SLC60A2: variants seen among roughly 807,000 people sequenced by gnomAD.
SLC60A2 encodes the protein solute carrier family 60 member 2, also known as major facilitator superfamily domain containing 4B.
At chr6:111,261,123 T>C in the SLC60A2 span, among the ~76,000 whole-genome samples, 8 of 152,232 alleles carry the variant, frequency 5.3e-5, no homozygotes, top group African/African-American at 1.9e-4. Context: ...AGTCATTCTG[T>C]ACTTGGGCGT....
chr6:111,271,167 C>CAAAAAAAA, the SLC60A2 span: 2 of 73,582 alleles, frequency 2.7e-5, no homozygotes, highest in Non-Finnish European at 4.8e-5. Context: ...GACTCCATCT[C>CAAAAAAAA]AAAAAAAAAA....
chr6:111,259,370 G>C, the SLC60A2 span: 39 of 347,828 alleles, frequency 1.1e-4, no homozygotes, highest in African/African-American at 7.1e-4. Context: ...ACGAACACCT[G>C]CGGCGTGCCG....
At chr6:111,260,029 G>A in the SLC60A2 span, among the ~76,000 whole-genome samples, 1 of 150,822 alleles carries the variant, frequency 6.6e-6, no homozygotes, top group Non-Finnish European at 1.5e-5. Context: ...TCCTGCGTCA[G>A]CCTCCCGAGT....
At chr6:111,276,690 C>A in the SLC60A2 span, among the ~76,000 whole-genome samples, 3 of 152,164 alleles carry the variant, frequency 2.0e-5, no homozygotes, top group African/African-American at 7.2e-5. Flanking sequence ...ATGAATGGTT[C>A]TGTGTTTTGT....
the SLC60A2 span, among the ~76,000 whole-genome samples, chr6:111,275,593 A>G: frequency 6.6e-6 from 1 of 151,890 alleles, no homozygotes; most frequent in Non-Finnish European, 1.5e-5. Context: ...TATTTTTAGT[A>G]AAAACAGGGT....
At chr6:111,268,322 T>C in the SLC60A2 span, 11 of 151,662 alleles carry the variant, frequency 7.3e-5, no homozygotes, top group African/African-American at 2.6e-4. Context: ...TGTTAACATA[T>C]CTGAAATCAG....
chr6:111,259,480 T>G, the SLC60A2 span: 1 of 486,058 alleles, frequency 2.1e-6, no homozygotes, highest in South Asian at 3.0e-5. Context: ...TTCTCGGAGC[T>G]CCAGAAGTTC....
At chr6:111,264,427 C>CT in the SLC60A2 span, among the ~76,000 whole-genome samples, 124,746 of 152,012 alleles carry the variant, frequency 0.82, 51,397 homozygotes, top group Non-Finnish European at 0.86. Context: ...CTTTCTTTTT[C>CT]TTTCTGTCCT....
chr6:111,259,751 C>T, the SLC60A2 span: 2 of 1,565,738 alleles, frequency 1.3e-6, no homozygotes, highest in African/African-American at 1.4e-5. Flanking sequence ...CTGCAACACT[C>T]CCAGGCCGGG....
chr6:111,270,548 A>G, the SLC60A2 span: 1 of 152,180 alleles, frequency 6.6e-6, no homozygotes. Flanking sequence ...CCCCTTCTCT[A>G]AAAAACAGGA....
the SLC60A2 span, chr6:111,268,332 G>C: frequency 6.7e-6 from 1 of 149,864 alleles, no homozygotes; most frequent in Non-Finnish European, 1.5e-5. Context: ...TCTGAAATCA[G>C]AATGTGTCTT....
At chr6:111,276,765 G>A in the SLC60A2 span, among the ~76,000 whole-genome samples, 3 of 152,202 alleles carry the variant, frequency 2.0e-5, no homozygotes, top group African/African-American at 7.2e-5. Context: ...GTCTGAGAAC[G>A]ATAAATGGGC....
chr6:111,273,751 A>T, the SLC60A2 span, among the ~76,000 whole-genome samples: 2 of 151,490 alleles, frequency 1.3e-5, no homozygotes, highest in African/African-American at 4.9e-5. Context: ...TTTGAGACAG[A>T]GTCTCACTCT....
chr6:111,263,816 T>G, the SLC60A2 span: 1 of 1,454,434 alleles, frequency 6.9e-7, no homozygotes, highest in Non-Finnish European at 9.6e-7. Context: ...ATAGCTGAGT[T>G]TCTACCTTCC....
the SLC60A2 span, among the ~76,000 whole-genome samples, chr6:111,273,499 T>G: frequency 3.4e-5 from 4 of 116,844 alleles, no homozygotes; most frequent in African/African-American, 7.6e-5. Flanking sequence ...GATTTGTGTT[T>G]TTTTTTTTTT....
At chr6:111,263,847 A>C in the SLC60A2 span, 1 of 1,600,694 alleles carries the variant, frequency 6.2e-7, no homozygotes, top group African/African-American at 1.3e-5. Context: ...AATGTCGGCT[A>C]CCACCGTTGG....
chr6:111,265,410 G>T, the SLC60A2 span: 3 of 984,958 alleles, frequency 3.0e-6, no homozygotes, highest in East Asian at 1.1e-4. Flanking sequence ...GTTCCTGGAC[G>T]TGTGTTTTGC....
chr6:111,259,613 G>A, the SLC60A2 span: 1 of 1,448,526 alleles, frequency 6.9e-7, no homozygotes, highest in Non-Finnish European at 9.3e-7. Flanking sequence ...CGGAGGCCCC[G>A]GCGGAGAATG....
chr6:111,276,660 T>A, the SLC60A2 span, among the ~76,000 whole-genome samples: 1 of 152,226 alleles, frequency 6.6e-6, no homozygotes, highest in Non-Finnish European at 1.5e-5. Flanking sequence ...GGTACAGCTT[T>A]GATCTCAGTT....
Sources: gnomAD v4.1 joint callset for allele counts (sites outside exome capture counted in the v4.1 genomes callset) on GRCh38, gnomAD v4.1.1 for gene constraint, MANE v1.5 for transcripts, NCBI Gene and HGNC (gene_info 2026-07-23, HGNC 2026-07-21) for gene names.